Variants in CARMIL1 observed in about 807,000 individuals in gnomAD.
CARMIL1 encodes capping protein regulator and myosin 1 linker 1, also known as F-actin-uncapping protein LRRC16A.
In CARMIL1, 90 loss-of-function variants were observed where a neutral mutation model predicts 177.1. The observed-to-expected ratio is 0.51, with a 90% CI of 0.43 to 0.61. The LOEUF is 0.61. CARMIL1 is among the 20% of genes least tolerant of loss of function. The probability of loss-of-function intolerance (pLI) is 0.00; values close to 1 mark genes in which losing one functional copy is unlikely to be tolerated. For missense variants in CARMIL1, 1,380 were observed against 1,667.0 expected, an observed-to-expected ratio of 0.83 and a Z score of 3.00; for synonymous variants, 577 against 606.2, an observed-to-expected ratio of 0.95 and a Z score of 0.71.
chr6:25,411,377 C>A (rs1794891932), intron 2 of CARMIL1, among the ~76,000 whole-genome samples: 1 of 152,170 alleles, frequency 6.6e-6, no homozygotes, highest in African/African-American at 2.4e-5. Context: ...CTTAAAGATG[C>A]CCATTCATGT....
In CARMIL1 at chr6:25,515,363, A is replaced by T. The variant is rs1420224413; in HGVS notation, c.1633-312A>T. ...CATATTAAGCTGAGAAATTTTTGTT[A>T]TGTTTTTATTTATTTCATCCTATCC... On this transcript the variant is annotated intron_variant, in intron 20 of 36. Transcript: ENST00000329474. The surrounding 1 kb of genome is among the most constrained non-coding windows in gnomAD (Gnocchi z 5.0). Among the ~76,000 whole-genome samples, 1 of 151,316 alleles carries T rather than the reference A, an allele frequency of 6.6e-6. No homozygotes were observed. Among genetic ancestry groups the T allele is most frequent in the Non-Finnish European group, 1.5e-5 (1 of 67,838 alleles).
chr6:25,342,575 G>A (rs1787053151), intron 2 of CARMIL1, among the ~76,000 whole-genome samples: 1 of 151,810 alleles, frequency 6.6e-6, no homozygotes, highest in Non-Finnish European at 1.5e-5. Context: ...AGGGCTAAGT[G>A]TATGTTCTTG....
At chr6:25,459,269 T>TCTTTTCTTTCTTTCTTTCTTTCTTTC (rs56094712) in intron 8 of CARMIL1, among the ~76,000 whole-genome samples, 1 of 118,170 alleles carries the variant, frequency 8.5e-6, no homozygotes, top group Admixed American at 9.2e-5. Context: ...TTTCTTTCTT[T>TCTTTTCTTTCTTTCTTTCTTTCTTTC]TTTTTTTTTT....
At chr6:25,599,409 C>T (rs1815174813) in intron 32 of CARMIL1, among the ~76,000 whole-genome samples, 1 of 152,042 alleles carries the variant, frequency 6.6e-6, no homozygotes, top group African/African-American at 2.4e-5. Flanking sequence ...TTTTATAAAT[C>T]CTTTGTTATT....
rs74942830 is a variant in CARMIL1 at position 25,367,130 on chromosome 6, C to T, written c.139-52984C>T. On this transcript the variant is annotated intron_variant, in intron 2 of 36. Transcript: ENST00000329474. Reference sequence around the variant, plus strand: ...TGAAAATTGGTTTCTCTCAAATGTTCGGAAAGCTTGTGCTGCAGTTTTGAT... The same window carrying T: ...TGAAAATTGGTTTCTCTCAAATGTTTGGAAAGCTTGTGCTGCAGTTTTGAT... 9.1e-3 allele frequency among the ~76,000 whole-genome samples: 1,388 copies of T among 152,206 alleles called. 21 individuals are homozygous for T. Among genetic ancestry groups the T allele is most frequent in the African/African-American group, 0.025 (1,027 of 41,526 alleles).
chr6:25,397,001 T>C (rs1323761631), intron 2 of CARMIL1, among the ~76,000 whole-genome samples: 1 of 152,090 alleles, frequency 6.6e-6, no homozygotes, highest in East Asian at 1.9e-4. Flanking sequence ...ACAATTTTCA[T>C]GTACAACCTA....
intron 2 of CARMIL1, among the ~76,000 whole-genome samples, chr6:25,406,003 A>C (rs1316774492): frequency 6.6e-6 from 1 of 152,158 alleles, no homozygotes; most frequent in African/African-American, 2.4e-5. Flanking sequence ...ATATTTGAAC[A>C]CCTATTTTGT....
At chr6:25,612,311 T>C (rs1406891876) in intron 36 of CARMIL1, 2 of 152,256 alleles carry the variant, frequency 1.3e-5, no homozygotes, top group Non-Finnish European at 2.9e-5. Flanking sequence ...GTGCTCATTC[T>C]GTTTTCTTAT....
intron 23 of CARMIL1, among the ~76,000 whole-genome samples, chr6:25,524,290 T>C (rs113435611): frequency 5.9e-5 from 9 of 152,314 alleles, no homozygotes; most frequent in South Asian, 2.1e-4. Context: ...GATTATAGAA[T>C]ACTTCCCCTT....
At chr6:25,542,879 A>G (rs1258866652) in intron 26 of CARMIL1, among the ~76,000 whole-genome samples, 1 of 152,158 alleles carries the variant, frequency 6.6e-6, no homozygotes, top group Non-Finnish European at 1.5e-5. Flanking sequence ...TAATATAACC[A>G]GTGTTCAGTT....
At chr6:25,453,261 A>C (rs1799170167) in intron 8 of CARMIL1, among the ~76,000 whole-genome samples, 1 of 151,298 alleles carries the variant, frequency 6.6e-6, no homozygotes, top group African/African-American at 2.4e-5. Flanking sequence ...AAAAAAAAAC[A>C]AACATATTAT....
intron 17 of CARMIL1, among the ~76,000 whole-genome samples, chr6:25,501,746 A>G (rs115399804): frequency 1.4e-3 from 206 of 152,254 alleles, no homozygotes; most frequent in African/African-American, 4.5e-3. Flanking sequence ...ATGTCATACT[A>G]TATTTTGTAT....
At chr6:25,459,232 T>G (rs1451907811) in intron 8 of CARMIL1, among the ~76,000 whole-genome samples, 3 of 90,322 alleles carry the variant, frequency 3.3e-5, no homozygotes, top group South Asian at 4.7e-4. Flanking sequence ...CTTTCTTTCT[T>G]TCTTTCTTTC....
At chr6:25,316,867 C>G (rs1784322838) in intron 2 of CARMIL1, among the ~76,000 whole-genome samples, 1 of 152,186 alleles carries the variant, frequency 6.6e-6, no homozygotes, top group African/African-American at 2.4e-5. Flanking sequence ...CCTCATTATG[C>G]TGCCACTCTT....
At chr6:25,328,791 A>G (rs1418104849) in intron 2 of CARMIL1, among the ~76,000 whole-genome samples, 2 of 152,018 alleles carry the variant, frequency 1.3e-5, no homozygotes. Flanking sequence ...AATATATATA[A>G]CTATTATGTA....
At chr6:25,495,538 CGTGT>C (rs144132253) in intron 16 of CARMIL1, among the ~76,000 whole-genome samples, 6,441 of 144,678 alleles carry the variant, frequency 0.045, 315 homozygotes, top group African/African-American at 0.13. Flanking sequence ...TTCGTTTGTT[CGTGT>C]GTGTGTGTGT....
intron 4 of CARMIL1, among the ~76,000 whole-genome samples, chr6:25,430,222 CTTT>C (rs34183473): frequency 7.2e-6 from 1 of 138,754 alleles, no homozygotes. Context: ...ATTGGTTTGT[CTTT>C]TTTTTTTTTT....
At chr6:25,438,764 A>G (rs976738436) in intron 5 of CARMIL1, among the ~76,000 whole-genome samples, 1 of 152,176 alleles carries the variant, frequency 6.6e-6, no homozygotes, top group African/African-American at 2.4e-5. Context: ...CCTCGTGGGA[A>G]AGAGGTTGGG....
chr6:25,444,905 G>T (rs544840197), intron 5 of CARMIL1, among the ~76,000 whole-genome samples: 1 of 152,202 alleles, frequency 6.6e-6, no homozygotes, highest in South Asian at 2.1e-4. Context: ...GGGATTGCTG[G>T]GTCAAATGGT....
Sources: gnomAD v4.1 joint callset for allele counts (sites outside exome capture counted in the v4.1 genomes callset) on GRCh38, gnomAD v4.1.1 for gene constraint, Gnocchi (gnomAD v3.1) non-coding constraint, MANE v1.5 for transcripts, NCBI Gene and HGNC (gene_info 2026-07-23, HGNC 2026-07-21) for gene names.